The following TMEM117 variants were observed in gnomAD, a reference collection of about 807,000 sequenced individuals.
TMEM117 encodes the protein transmembrane protein 117.
Under a neutral mutation model 52.4 loss-of-function variants are expected in TMEM117, and 27 were observed. The observed-to-expected ratio is 0.51, with a 90% CI of 0.38 to 0.71. TMEM117 has a LOEUF of 0.71. Among genes scored for constraint, TMEM117 ranks in the 30% least tolerant of loss-of-function variants. TMEM117 has a pLI of 0.00. For missense variants in TMEM117, 556 were observed against 630.5 expected (o/e 0.88, Z 1.26); for synonymous variants, 215 against 206.3 (o/e 1.04, Z -0.36).
intron 4 of TMEM117, among the ~76,000 whole-genome samples, chr12:44,188,570 GTAA>G (rs1949308815): frequency 2.6e-5 from 4 of 152,152 alleles, no homozygotes; most frequent in Admixed American, 6.6e-5. Context: ...ACGCACTTTA[GTAA>G]CAAGCTTCCT....
chr12:43,832,545 G>A (rs1187150448), upstream of TMEM117, among the ~76,000 whole-genome samples: 2 of 152,300 alleles, frequency 1.3e-5, no homozygotes, highest in South Asian at 2.1e-4. Context: ...AAGATCTGGG[G>A]ATTCCTATTG....
chr12:43,824,062 A>G, the TMEM117 span, among the ~76,000 whole-genome samples: 1 of 152,266 alleles, frequency 6.6e-6, no homozygotes, highest in Admixed American at 6.5e-5. Flanking sequence ...TTAGCTAATT[A>G]GTTAGCTAAT....
At chr12:44,242,301 C>T (rs916269347) in intron 5 of TMEM117, among the ~76,000 whole-genome samples, 1 of 151,758 alleles carries the variant, frequency 6.6e-6, no homozygotes. Context: ...TACCCTCCAC[C>T]CTCAAGTAGA....
intron 3 of TMEM117, among the ~76,000 whole-genome samples, chr12:43,960,994 A>G (rs7965873): frequency 0.67 from 101,516 of 151,956 alleles, 37,789 homozygotes; most frequent in Non-Finnish European, 0.81. Flanking sequence ...GCAGTGTGAT[A>G]TAATAGAAAC....
intron 5 of TMEM117, among the ~76,000 whole-genome samples, chr12:44,247,904 G>T (rs1950150385): frequency 6.6e-6 from 1 of 152,194 alleles, no homozygotes; most frequent in African/African-American, 2.4e-5. Context: ...CCACCGCCTT[G>T]CCTGTGGAAC....
intron 3 of TMEM117, among the ~76,000 whole-genome samples, chr12:44,122,408 A>T (rs1948252191): frequency 6.6e-6 from 1 of 151,506 alleles, no homozygotes; most frequent in Admixed American, 6.6e-5. Context: ...TTCTTTTTTT[A>T]TTGCAACTTT....
At chr12:43,856,989 A>G (rs114958948) in intron 2 of TMEM117, among the ~76,000 whole-genome samples, 2,305 of 152,258 alleles carry the variant, frequency 0.015, 63 homozygotes, top group African/African-American at 0.051. Context: ...AGCTGATCTT[A>G]TTACTTTGTG....
the TMEM117 span, chr12:43,797,513 A>G: frequency 7.0e-7 from 1 of 1,424,636 alleles, no homozygotes; most frequent in Non-Finnish European, 9.5e-7. Flanking sequence ...AAGTTAAAAC[A>G]TATAATAAAA....
At chr12:44,362,140 T>G (rs1674705635) in intron 6 of TMEM117, among the ~76,000 whole-genome samples, 1 of 152,084 alleles carries the variant, frequency 6.6e-6, no homozygotes, top group Admixed American at 6.6e-5. Context: ...CCCTAGTTTA[T>G]TTCCTTTGCA....
intron 6 of TMEM117, among the ~76,000 whole-genome samples, chr12:44,308,065 A>G (rs960107465): frequency 6.6e-6 from 1 of 152,244 alleles, no homozygotes; most frequent in Non-Finnish European, 1.5e-5. Context: ...TAACATGGAA[A>G]GAATGTAGTT....
At position 44,072,211 on chromosome 12, in the gene TMEM117, A is replaced by T. The variant is rs573640905; in HGVS notation, c.411-71314A>T. 8.0e-5 allele frequency among the ~76,000 whole-genome samples: 12 copies of T among 150,708 alleles called. No individual in the cohort carries two copies. In the Middle Eastern group the frequency reaches 0.017, roughly 215 times the overall value. On this transcript the variant is annotated intron_variant, in intron 3 of 7. Transcript: ENST00000266534. ...CTCTTTTCTTGGTAATAATAGAGAA[A>T]CAACAAAAAAAAAAATTAAGAGGCA...
intron 2 of TMEM117, among the ~76,000 whole-genome samples, chr12:43,931,170 A>T (rs536972468): frequency 6.6e-6 from 1 of 152,332 alleles, no homozygotes; most frequent in South Asian, 2.1e-4. Flanking sequence ...AAAACACAAA[A>T]CCTTGTCATT....
At chr12:44,188,125 T>A (rs1949302425) in intron 4 of TMEM117, among the ~76,000 whole-genome samples, 1 of 152,138 alleles carries the variant, frequency 6.6e-6, no homozygotes, top group Non-Finnish European at 1.5e-5. Context: ...AAGATCACAT[T>A]AAATAAGCTG....
chr12:43,916,028 G>C (rs1223886353), intron 2 of TMEM117, among the ~76,000 whole-genome samples: 3 of 151,916 alleles, frequency 2.0e-5, no homozygotes, highest in Admixed American at 1.3e-4. Flanking sequence ...GGTGATGGTT[G>C]GGCAAGAAAA....
At chr12:43,801,693 AG>A in the TMEM117 span, among the ~76,000 whole-genome samples, 1 of 152,146 alleles carries the variant, frequency 6.6e-6, no homozygotes, top group African/African-American at 2.4e-5. Flanking sequence ...AGGGCCAGGC[AG>A]TTTCCTTCAT....
At chr12:44,242,807 G>T (rs1435368285) in intron 5 of TMEM117, among the ~76,000 whole-genome samples, 1 of 150,848 alleles carries the variant, frequency 6.6e-6, no homozygotes, top group Non-Finnish European at 1.5e-5. Context: ...TCAAATGGTA[G>T]TTTCATTTTT....
chr12:43,975,072 ACTTGTCTGC>A, intron 3 of TMEM117, among the ~76,000 whole-genome samples: 1 of 152,282 alleles, frequency 6.6e-6, no homozygotes, highest in South Asian at 2.1e-4. Flanking sequence ...TTGAGCTACC[ACTTGTCTGC>A]CTTGTAACTC....
chr12:44,021,013 G>C (rs889771352), intron 3 of TMEM117, among the ~76,000 whole-genome samples: 3 of 152,100 alleles, frequency 2.0e-5, no homozygotes, highest in Non-Finnish European at 2.9e-5. Flanking sequence ...AAAATATAAA[G>C]AGGAGGAAAA....
At chr12:43,844,140 A>C (rs954400235) in intron 1 of TMEM117, among the ~76,000 whole-genome samples, 1 of 152,224 alleles carries the variant, frequency 6.6e-6, no homozygotes, top group Non-Finnish European at 1.5e-5. Flanking sequence ...GCTCAAGACC[A>C]ACATGGAGAA....
Sources: allele counts gnomAD v4.1 joint callset (sites outside exome capture counted in the v4.1 genomes callset), GRCh38; gene constraint gnomAD v4.1.1; transcripts MANE v1.5; gene names NCBI Gene and HGNC (gene_info 2026-07-23, HGNC 2026-07-21).